PRRC2C: variants seen among roughly 807,000 people sequenced by gnomAD.
PRRC2C encodes protein PRRC2C.
A neutral mutation model predicts 317.2 loss-of-function variants in PRRC2C; 72 were observed. That is an observed-to-expected ratio of 0.23 (90% CI 0.19 to 0.28). PRRC2C has a LOEUF of 0.28. Among genes scored for constraint, PRRC2C ranks in the 10% least tolerant of loss-of-function variants. PRRC2C has a pLI of 1.00. For synonymous variants in PRRC2C, 1,296 were observed against 1,205.9 expected (o/e 1.07, Z -1.55); for missense variants, 3,074 against 3,459.7 (o/e 0.89, Z 2.80).
chr1:171,508,617 A>G lies in PRRC2C; in HGVS notation c.-57-3415A>G, dbSNP rs139129670. ...TGGCTAGAGTTAAATCGGATGTTCT[A>G]TAACCCTGTGGTTAAATTGTGTATT... On this transcript the variant is annotated intron_variant, in intron 1 of 34. Coordinates refer to ENST00000647382, the MANE Select transcript of PRRC2C (RefSeq NM_001387844.1). 3.2e-3 allele frequency among the ~76,000 whole-genome samples: 494 copies of G among 152,344 alleles called. 4 individuals carry two copies. Among genetic ancestry groups the G allele is most frequent in the African/African-American group, 0.011 (472 of 41,570 alleles).
intron 14 of PRRC2C, among the ~76,000 whole-genome samples, chr1:171,537,032 A>AT (rs1676965690): frequency 6.6e-6 from 1 of 152,104 alleles, no homozygotes; most frequent in African/African-American, 2.4e-5. Context: ...GATTTTGCTT[A>AT]TTTTGCTTCC....
intron 2 of PRRC2C, chr1:171,512,544 A>G (rs937913318): frequency 7.2e-6 from 2 of 276,940 alleles, no homozygotes; most frequent in African/African-American, 4.5e-5. Context: ...TATAGACTAG[A>G]GAAAGTCTTA....
intron 6 of PRRC2C, among the ~76,000 whole-genome samples, chr1:171,518,119 T>C (rs910478100): frequency 1.2e-4 from 19 of 152,318 alleles, no homozygotes; most frequent in African/African-American, 4.3e-4. Flanking sequence ...GCAGTATCTT[T>C]ATTATTAACA....
Position 171,566,303 on chromosome 1 carries a change from C to T in PRRC2C, c.6188C>T (p.Ser2063Leu). Residue 2063 changes from serine (S) to leucine (L), a missense_variant, in exon 21 of 35, where the codon TCA (serine) becomes TTA (leucine). By Grantham distance (145) the Ser-to-Leu change is moderately radical. Around this residue, in one of 11 missense-constraint regions of PRRC2C, gnomAD observed 640 missense variants for 676.1 expected, o/e 0.95. Coordinates refer to ENST00000647382, the MANE Select transcript of PRRC2C (RefSeq NM_001387844.1). ...ACAATTCAGTTTGGTGCTCCAGCCTCAAATGGAAATGAAAATGAAGTTGTT... is the reference window on the plus strand; with the variant it reads ...ACAATTCAGTTTGGTGCTCCAGCCTTAAATGGAAATGAAAATGAAGTTGTT... ...TDTIQFGAPASNGNENEVVPV... is the reference protein window; with the variant it reads ...TDTIQFGAPALNGNENEVVPV... 6.2e-7 allele frequency: 1 copy of T among 1,609,528 alleles called. No individual in the cohort carries two copies. The highest frequency in any genetic ancestry group is 8.5e-7 in the Non-Finnish European group (1 of 1,177,894).
Position 171,541,642 on chromosome 1 carries a change from G to T in PRRC2C, c.4176G>T (p.Pro1392=). 1 of 1,613,694 alleles carries T rather than the reference G, an allele frequency of 6.2e-7. No individual in the cohort carries two copies. The highest frequency in any genetic ancestry group is 1.3e-5 in the African/African-American group (1 of 75,000). ...TTCCTAAACCAGAAGATGGAGAGCC[G>T]CCAAGAAGACATGAGCAGTTTATTC... The part of the protein sequence containing the change: ...SEVPKPEDGE[P]PRRHEQFIPI... The change falls in exon 16 of 35, where the codon CCG becomes CCT. Residue 1392 remains proline, a synonymous_variant. Transcript: ENST00000647382. This position sits in a 1 kb window ranked among gnomAD's most constrained non-coding sequence, Gnocchi z 4.1.
At chr1:171,591,355 G>A in intron 34 of PRRC2C, 1 of 682,150 alleles carries the variant, frequency 1.5e-6, no homozygotes, top group Non-Finnish European at 2.1e-6. Context: ...TGAAAAGGTG[G>A]TGGGAGGTGG....
intron 16 of PRRC2C, 28 bp from the exon 17 acceptor site, chr1:171,545,451 A>G: frequency 6.5e-7 from 1 of 1,537,242 alleles, no homozygotes; most frequent in Non-Finnish European, 8.8e-7. Context: ...AGGTGGAAAT[A>G]GTAATATCTC....
At chr1:171,511,868 T>G in intron 1 of PRRC2C, 164 bp from the exon 2 acceptor site, 1 of 384,778 alleles carries the variant, frequency 2.6e-6, no homozygotes, top group East Asian at 5.5e-5. Context: ...AAGTGCATGA[T>G]AGCTTATTGT....
intron 11 of PRRC2C, among the ~76,000 whole-genome samples, chr1:171,529,947 C>G (rs1459616584): frequency 6.6e-6 from 1 of 152,202 alleles, no homozygotes; most frequent in Non-Finnish European, 1.5e-5. Context: ...CTGTACATAT[C>G]ACAACCATCA....
At chr1:171,571,076 A>G (rs1453449889) in intron 23 of PRRC2C, among the ~76,000 whole-genome samples, 1 of 152,212 alleles carries the variant, frequency 6.6e-6, no homozygotes, top group Admixed American at 6.5e-5. Flanking sequence ...TATCTGGTGC[A>G]GACTCTCTTT....
intron 19 of PRRC2C, 53 bp from the exon 20 acceptor site, chr1:171,560,965 A>G: frequency 7.2e-7 from 1 of 1,396,766 alleles, no homozygotes; most frequent in African/African-American, 1.4e-5. Context: ...AATGGGTTAG[A>G]GATTATTAGA....
At chr1:171,570,693 C>T (rs994401413) in intron 23 of PRRC2C, among the ~76,000 whole-genome samples, 4 of 152,112 alleles carry the variant, frequency 2.6e-5, no homozygotes, top group Non-Finnish European at 2.9e-5. Flanking sequence ...TATAGCAGAA[C>T]AGTTTTATTG....
At chr1:171,516,723 A>ACT (rs1275020501) in intron 5 of PRRC2C, among the ~76,000 whole-genome samples, 1 of 151,960 alleles carries the variant, frequency 6.6e-6, no homozygotes. Flanking sequence ...TGGCCAAGGG[A>ACT]CTCTCTCTCA....
chr1:171,497,680 A>T (rs1490690361), intron 1 of PRRC2C, among the ~76,000 whole-genome samples: 1 of 151,956 alleles, frequency 6.6e-6, no homozygotes, highest in African/African-American at 2.4e-5. Flanking sequence ...TGTTACCCAG[A>T]TTGGTCTTGA....
intron 1 of PRRC2C, 156 bp from the exon 2 acceptor site, chr1:171,511,876 T>C: frequency 2.4e-6 from 1 of 412,804 alleles, no homozygotes; most frequent in Non-Finnish European, 4.6e-6. Context: ...GATAGCTTAT[T>C]GTGATCAATT....
chr1:171,554,013 G>A (rs1225674027), intron 18 of PRRC2C, among the ~76,000 whole-genome samples: 5 of 152,144 alleles, frequency 3.3e-5, no homozygotes, highest in Admixed American at 3.3e-4. Flanking sequence ...TTCAAGTCCT[G>A]GATATCCTTG....
At chr1:171,506,504 T>C (rs995601840) in intron 1 of PRRC2C, among the ~76,000 whole-genome samples, 1 of 152,102 alleles carries the variant, frequency 6.6e-6, no homozygotes, top group Non-Finnish European at 1.5e-5. Flanking sequence ...TGTACCATTT[T>C]GGCCATTGTT....
Position 171,575,121 on chromosome 1 carries a change from A to G in PRRC2C, c.6948A>G (p.Ser2316=), listed in dbSNP as rs779286170. ...IPVASVTPTA[S]LSGAGTYTTS... is the part of the protein sequence containing the mutation. Reference sequence around the variant, plus strand: ...TTGCTTCAGTCACTCCTACAGCATCACTATCAGGTAGAACTTTTTCGTTCT... The same window carrying G: ...TTGCTTCAGTCACTCCTACAGCATCGCTATCAGGTAGAACTTTTTCGTTCT... The change falls in exon 25 of 35, where the codon TCA becomes TCG. Residue 2316 remains serine (S), a synonymous_variant. Coordinates refer to ENST00000647382, the MANE Select transcript of PRRC2C (RefSeq NM_001387844.1). 17 of 1,612,408 alleles carry G rather than the reference A, an allele frequency of 1.1e-5. No individual in the cohort carries two copies. The highest frequency in any genetic ancestry group is 1.7e-5 in the Admixed American group (1 of 59,878).
In PRRC2C at chr1:171,521,039, C is replaced by T. The variant is rs145552961; in HGVS notation, c.751-1138C>T. Among the ~76,000 whole-genome samples the T allele has an allele frequency of 3.2e-3, 480 of 151,840 alleles. 15 individuals carry two copies. Among genetic ancestry groups the T allele is most frequent in the Admixed American group, 0.029 (435 of 15,224 alleles). ...CAGGATGGTCTCCATCTCCTGACCT[C>T]GTGATCTACCCGCTTCGGCCTCCCA... On this transcript the variant is annotated intron_variant, in intron 6 of 34. Coordinates refer to ENST00000647382, the MANE Select transcript of PRRC2C (RefSeq NM_001387844.1).
Sources: gnomAD v4.1 joint callset for allele counts (sites outside exome capture counted in the v4.1 genomes callset) on GRCh38, gnomAD v4.1.1 for gene constraint, gnomAD v4.1.1 regional missense constraint, Gnocchi (gnomAD v3.1) non-coding constraint, MANE v1.5 for transcripts, NCBI Gene and HGNC (gene_info 2026-07-23, HGNC 2026-07-21) for gene names.